The following ADAMTS3 variants were observed in gnomAD, a reference collection of about 807,000 sequenced individuals.
ADAMTS3 encodes ADAM metallopeptidase with thrombospondin type 1 motif 3, also known as A disintegrin and metalloproteinase with thrombospondin motifs 3.
Under a neutral mutation model 129.0 loss-of-function variants are expected in ADAMTS3, and 73 were observed. The ratio of observed to expected loss-of-function variants is 0.57; its 90% CI spans 0.47 to 0.69. The LOEUF is 0.69. Among genes scored for constraint, ADAMTS3 ranks in the 30% least tolerant of loss-of-function variants. The probability of loss-of-function intolerance (pLI) is 0.00; values close to 1 mark genes in which losing one functional copy is unlikely to be tolerated. For synonymous variants in ADAMTS3, 477 were observed against 510.8 expected (o/e 0.93, Z 0.89); for missense variants, 1,457 against 1,514.5 (o/e 0.96, Z 0.63).
chr4:72,456,730 C>G (rs1200558852), intron 3 of ADAMTS3, among the ~76,000 whole-genome samples: 1 of 151,378 alleles, frequency 6.6e-6, no homozygotes, highest in African/African-American at 2.4e-5. Context: ...AACTGGGAAG[C>G]AAGCTTGCAT....
At chr4:72,483,689 A>G (rs1719502152) in intron 3 of ADAMTS3, among the ~76,000 whole-genome samples, 1 of 152,168 alleles carries the variant, frequency 6.6e-6, no homozygotes, top group African/African-American at 2.4e-5. Flanking sequence ...GATAAAAGTA[A>G]AGAAGTAAAA....
intron 3 of ADAMTS3, among the ~76,000 whole-genome samples, chr4:72,438,041 T>C (rs1408776483): frequency 6.6e-6 from 1 of 151,718 alleles, no homozygotes; most frequent in East Asian, 1.9e-4. Flanking sequence ...GTTTTAGCTA[T>C]TGTGATTTAA....
At chr4:72,497,346 T>C (rs1368316843) in intron 3 of ADAMTS3, among the ~76,000 whole-genome samples, 1 of 151,860 alleles carries the variant, frequency 6.6e-6, no homozygotes, top group African/African-American at 2.4e-5. Context: ...TGCAGTAGAA[T>C]TAGCACATTA....
chr4:72,389,368 G>C lies in ADAMTS3; in HGVS notation c.661+25447C>G, dbSNP rs555722073. Among the ~76,000 whole-genome samples the C allele has an allele frequency of 9.2e-5, 14 of 152,216 alleles. No individual in the cohort carries two copies. In the South Asian group the frequency reaches 2.9e-3, roughly 32 times the overall value. On this transcript the variant is annotated intron_variant, in intron 4 of 21. Transcript: ENST00000286657. ...AATGACAGAGAGGAAATAAATTAGT[G>C]GTGGGGCTTTAGCCATATCTGTAAC...
At chr4:72,290,756 G>C in intron 20 of ADAMTS3, 99 bp downstream of exon 20, 1 of 1,288,562 alleles carries the variant, frequency 7.8e-7, no homozygotes, top group Non-Finnish European at 1.1e-6. Context: ...TAGTTTCTCA[G>C]TTCACACAAA....
At chr4:72,310,137 A>G (rs1428743357) in intron 14 of ADAMTS3, among the ~76,000 whole-genome samples, 1 of 152,228 alleles carries the variant, frequency 6.6e-6, no homozygotes, top group East Asian at 1.9e-4. Context: ...ACAGTGAAAA[A>G]TCTGCATTGA....
At chr4:72,430,733 GA>G (rs915764843) in intron 3 of ADAMTS3, among the ~76,000 whole-genome samples, 13 of 150,828 alleles carry the variant, frequency 8.6e-5, no homozygotes, top group South Asian at 2.1e-4. Context: ...CTAAATAAAG[GA>G]AAAAAACCAT....
At chr4:72,442,903 C>T (rs1718156304) in intron 3 of ADAMTS3, among the ~76,000 whole-genome samples, 1 of 151,652 alleles carries the variant, frequency 6.6e-6, no homozygotes, top group African/African-American at 2.4e-5. Context: ...AAAACTTTGA[C>T]TCACCCCCGA....
chr4:72,386,211 C>A (rs1036114291), intron 4 of ADAMTS3, among the ~76,000 whole-genome samples: 1 of 152,146 alleles, frequency 6.6e-6, no homozygotes, highest in Non-Finnish European at 1.5e-5. Flanking sequence ...TTCCTAAAAT[C>A]AGTAACCAAA....
At chr4:72,376,927 A>C (rs1251077736) in intron 4 of ADAMTS3, among the ~76,000 whole-genome samples, 1 of 152,206 alleles carries the variant, frequency 6.6e-6, no homozygotes, top group Non-Finnish European at 1.5e-5. Context: ...CAAATATCTA[A>C]GAATTCTGCA....
chr4:72,561,666 G>A (rs1463627677), intron 2 of ADAMTS3, among the ~76,000 whole-genome samples: 1 of 152,130 alleles, frequency 6.6e-6, no homozygotes, highest in Admixed American at 6.6e-5. Context: ...AAAATTGTTG[G>A]AAATGTGATT....
At chr4:72,429,869 C>G (rs558541578) in intron 3 of ADAMTS3, among the ~76,000 whole-genome samples, 1 of 151,920 alleles carries the variant, frequency 6.6e-6, no homozygotes, top group Non-Finnish European at 1.5e-5. Flanking sequence ...GTCAACATCT[C>G]CTGGACAGTG....
intron 3 of ADAMTS3, among the ~76,000 whole-genome samples, chr4:72,455,994 A>ATG (rs1553916122): frequency 1.0e-4 from 2 of 19,858 alleles, no homozygotes; most frequent in Non-Finnish European, 2.3e-4. Flanking sequence ...TATACTATAT[A>ATG]TATTTTACAT....
At chr4:72,424,442 T>C (rs1185350129) in intron 3 of ADAMTS3, among the ~76,000 whole-genome samples, 1 of 152,078 alleles carries the variant, frequency 6.6e-6, no homozygotes, top group South Asian at 2.1e-4. Context: ...GGATTTTCTA[T>C]ACATCCATTC....
Position 72,297,120 on chromosome 4 carries a change from T to C in ADAMTS3, c.2590+1157A>G, listed in dbSNP as rs1455927222. 2.0e-5 allele frequency among the ~76,000 whole-genome samples: 3 copies of C among 152,068 alleles called. No homozygotes were observed. In the East Asian group the frequency reaches 5.8e-4, roughly 29 times the overall value. ...TATAATTTTACCATTCATTCATGCA[T>C]GCATTCAAGAAAAATTACCCTGTAA... On this transcript the variant is annotated intron_variant, in intron 18 of 21. Coordinates refer to ENST00000286657, the MANE Select transcript of ADAMTS3 (RefSeq NM_014243.3).
intron 19 of ADAMTS3, among the ~76,000 whole-genome samples, chr4:72,293,975 A>T (rs1718742851): frequency 6.6e-6 from 1 of 152,164 alleles, no homozygotes; most frequent in Non-Finnish European, 1.5e-5. Flanking sequence ...AAGTGCAACA[A>T]TGGACAATAG....
At chr4:72,306,569 T>C (rs1719095046) in intron 15 of ADAMTS3, among the ~76,000 whole-genome samples, 1 of 152,044 alleles carries the variant, frequency 6.6e-6, no homozygotes, top group African/African-American at 2.4e-5. Flanking sequence ...AAGCCTTCTT[T>C]ATTCTAAAGG....
At chr4:72,362,510 T>C (rs540610011) in intron 4 of ADAMTS3, among the ~76,000 whole-genome samples, 4 of 152,296 alleles carry the variant, frequency 2.6e-5, no homozygotes, top group South Asian at 2.1e-4. Flanking sequence ...TTATTATCAG[T>C]AGGGACATTT....
intron 4 of ADAMTS3, among the ~76,000 whole-genome samples, chr4:72,373,048 A>T (rs1721048970): frequency 6.6e-6 from 1 of 152,200 alleles, no homozygotes; most frequent in Admixed American, 6.5e-5. Flanking sequence ...ATTTAGCATA[A>T]TCCCCGTTAA....
Sources: gnomAD v4.1 joint callset for allele counts (sites outside exome capture counted in the v4.1 genomes callset) on GRCh38, gnomAD v4.1.1 for gene constraint, MANE v1.5 for transcripts, NCBI Gene and HGNC (gene_info 2026-07-23, HGNC 2026-07-21) for gene names.